The following FBH1 variants were observed in gnomAD, a reference collection of about 807,000 sequenced individuals.
The protein encoded by FBH1 is F-box DNA helicase 1.
Under a neutral mutation model 115.5 loss-of-function variants are expected in FBH1, and 43 were observed. That is an observed-to-expected ratio of 0.37 (90% confidence interval 0.29 to 0.48). The LOEUF is 0.48. FBH1 is among the 20% of genes least tolerant of loss of function. The probability of loss-of-function intolerance (pLI) is 0.99; values close to 1 mark genes in which losing one functional copy is unlikely to be tolerated. For synonymous variants in FBH1, 524 were observed against 507.8 expected (o/e 1.03, Z -0.43); for missense variants, 1,001 against 1,337.3 (o/e 0.75, Z 3.92).
At chr10:5,893,304 T>C (rs631538) in intron 1 of FBH1, among the ~76,000 whole-genome samples, 126,901 of 152,182 alleles carry the variant, frequency 0.83, 53,205 homozygotes, top group Non-Finnish European at 0.87. Context: ...AGTGAGACTC[T>C]GTCTGAAAAC....
upstream of FBH1, chr10:5,890,136 C>T (rs1047614422): frequency 1.4e-4 from 47 of 325,944 alleles, no homozygotes; most frequent in East Asian, 9.3e-4. Flanking sequence ...GGTCTCGCGT[C>T]CCGATTGGTC....
intron 1 of FBH1, among the ~76,000 whole-genome samples, chr10:5,892,074 T>G (rs1335551053): frequency 2.3e-5 from 1 of 43,636 alleles, no homozygotes; most frequent in Non-Finnish European, 6.3e-5. Context: ...TGTGATTTTC[T>G]GGGCAAAAGC....
rs545202519 is a variant in FBH1, at chr10:5,907,665, G to A, written c.753+1033G>A. 4.9e-4 allele frequency among the ~76,000 whole-genome samples: 74 copies of A among 151,892 alleles called. 1 individual carries two copies. The highest frequency in any genetic ancestry group is 2.5e-4 in the Non-Finnish European group (17 of 67,956). ...ATTTTTGTATTTTTAGGAGAGATAG[G>A]GTTTCACCATGTAATCCAGGATGGT... On this transcript the variant is annotated intron_variant, in intron 3 of 20. Transcript: ENST00000362091.
intron 1 of FBH1, among the ~76,000 whole-genome samples, chr10:5,896,412 G>T: frequency 6.6e-6 from 1 of 152,122 alleles, no homozygotes; most frequent in Non-Finnish European, 1.5e-5. Flanking sequence ...GTGGGTCCTG[G>T]AATGGGGACC....
intron 2 of FBH1, chr10:5,905,242 C>T (rs942514920): frequency 2.6e-5 from 4 of 152,224 alleles, no homozygotes; most frequent in Admixed American, 1.3e-4. Context: ...AAAAGCTGGG[C>T]GCAGGGGCTC....
rs1831377972 is a variant in FBH1, at chr10:5,908,834, C to T, written c.754-91C>T. The T allele has an allele frequency of 1.5e-5, 21 of 1,432,228 alleles. No individual in the cohort carries two copies. In the South Asian group the frequency reaches 2.5e-4, roughly 17 times the overall value. The allele number at this position is 1,432,228 out of a possible 1,614,324, so 88.7% of individuals were successfully genotyped here. ...CCATGTTGGCCATGCTAGTCTCAAACTCCTGACCTCAGGCGATCTGCCCGC... is the reference window on the plus strand; with the variant it reads ...CCATGTTGGCCATGCTAGTCTCAAATTCCTGACCTCAGGCGATCTGCCCGC... On this transcript the variant is annotated intron_variant, in intron 3 of 20. Transcript: ENST00000362091.
chr10:5,937,346 C>A lies in FBH1; in HGVS notation c.*66C>A. 2 of 1,413,252 alleles carry A rather than the reference C, an allele frequency of 1.4e-6. No homozygotes were observed. The highest frequency in any genetic ancestry group is 5.5e-5 in the East Asian group (2 of 36,180). 87.5% of individuals were successfully genotyped at this position (1,413,252 alleles called of 1,614,324 possible). On this transcript the variant is annotated 3_prime_UTR_variant, in exon 21 of 21. Transcript: ENST00000362091. Reference sequence around the variant, plus strand: ...GAGGACCCCGCGTGAAGAAAGCCAGCGAGGGGGGCTTCTGCTCCCTGAGAC... The same window carrying A: ...GAGGACCCCGCGTGAAGAAAGCCAGAGAGGGGGGCTTCTGCTCCCTGAGAC...
intron 19 of FBH1, chr10:5,934,147 G>A (rs1274913537): frequency 1.3e-5 from 2 of 152,178 alleles, no homozygotes; most frequent in African/African-American, 4.8e-5. Context: ...GATAAAAAGC[G>A]AGCCATTGCT....
intron 1 of FBH1, chr10:5,891,163 C>T (rs1286323570): frequency 1.3e-5 from 13 of 985,742 alleles, no homozygotes; most frequent in Non-Finnish European, 1.6e-5. Flanking sequence ...TGTTGAGTGT[C>T]CGCCAGCGTC....
At chr10:5,892,951 A>G (rs894390331) in intron 1 of FBH1, among the ~76,000 whole-genome samples, 6 of 152,152 alleles carry the variant, frequency 3.9e-5, no homozygotes, top group Admixed American at 2.0e-4. Flanking sequence ...TCCACCTTCT[A>G]TCCTCTCTCC....
chr10:5,906,508 G>C lies in FBH1; in HGVS notation c.629G>C (p.Ser210Thr). ...LGTLPCQEAL[S>T]HICSLPSEVL... ...ACCTTGCCCTGCCAGGAAGCACTGA[G>C]CCACATTTGCAGCCTGCCTAGTGAG... Residue 210 changes from serine to threonine, a missense_variant, in exon 3 of 21, where the codon AGC becomes ACC. Around this residue, in one of 4 missense-constraint regions of FBH1, gnomAD observed 420 missense variants for 430.4 expected, o/e 0.98. Coordinates refer to ENST00000362091, the MANE Select transcript of FBH1 (RefSeq NM_178150.3). The surrounding 1 kb of genome is among the most constrained non-coding windows in gnomAD (Gnocchi z 7.3). The C allele has an allele frequency of 1.2e-6, 2 of 1,614,130 alleles. No homozygotes were observed. The highest frequency in any genetic ancestry group is 1.7e-6 in the Non-Finnish European group (2 of 1,180,036).
At chr10:5,919,346 T>C (rs1319942249) in intron 13 of FBH1, among the ~76,000 whole-genome samples, 1 of 151,936 alleles carries the variant, frequency 6.6e-6, no homozygotes, top group Non-Finnish European at 1.5e-5. Flanking sequence ...ATTAGCCAGG[T>C]GTGGTGGCTC....
Position 5,910,854 on chromosome 10 carries a change from G to C in FBH1, c.1021-84G>C. ...TAGCCAGCAGCTGGACCCGTGGCTC[G>C]GCTTTCCTGACTCCTTCCTGCTGTG... On this transcript the variant is annotated intron_variant, in intron 5 of 20. Transcript: ENST00000362091. The surrounding 1 kb of genome is among the most constrained non-coding windows in gnomAD (Gnocchi z 4.8). 1 of 1,254,896 alleles carries C rather than the reference G, an allele frequency of 8.0e-7. No homozygotes were observed. The highest frequency in any genetic ancestry group is 1.1e-6 in the Non-Finnish European group (1 of 913,322). 77.7% of individuals were successfully genotyped at this position (1,254,896 alleles called of 1,614,324 possible). A position where few individuals can be genotyped will look rare whatever the true frequency, so the allele number is the denominator to read the frequency against.
chr10:5,901,426 G>A (rs1221975376), intron 1 of FBH1, among the ~76,000 whole-genome samples: 2 of 152,102 alleles, frequency 1.3e-5, no homozygotes, highest in Non-Finnish European at 2.9e-5. Flanking sequence ...CCAAAGTGCT[G>A]GGATTACAGG....
chr10:5,901,690 G>C (rs1487325667), intron 1 of FBH1, among the ~76,000 whole-genome samples: 4 of 150,520 alleles, frequency 2.7e-5, no homozygotes, highest in African/African-American at 4.9e-5. Context: ...TCAGCCTCCT[G>C]AGTAGCTGGG....
rs1832123914 is a variant in FBH1 at position 5,918,600 on chromosome 10, G to A, written c.2100+122G>A. On this transcript the variant is annotated intron_variant, in intron 13 of 20. Transcript: ENST00000362091. This position sits in a 1 kb window ranked among gnomAD's most constrained non-coding sequence, Gnocchi z 4.0. The stretch of plus-strand genomic sequence containing the variant: ...AGCAAATCCTTGCTTCTAAGCCATG[G>A]TTCTCAAAGTGTGGTTCTCAGGGGT... 2 of 1,278,002 alleles carry A rather than the reference G, an allele frequency of 1.6e-6. No individual in the cohort carries two copies. The highest frequency in any genetic ancestry group is 2.1e-6 in the Non-Finnish European group (2 of 967,516). The allele number at this position is 1,278,002 out of a possible 1,614,324, so 79.2% of individuals were successfully genotyped here.
chr10:5,906,170 A>G lies in FBH1; in HGVS notation c.291A>G (p.Ala97=). The change falls in exon 3 of 21, where the codon GCA becomes GCG. Residue 97 remains alanine (A), a synonymous_variant. Coordinates refer to ENST00000362091, the MANE Select transcript of FBH1 (RefSeq NM_178150.3). This position sits in a 1 kb window ranked among gnomAD's most constrained non-coding sequence, Gnocchi z 7.3. ...QDSEGDMIFP[A]ESSCALPQEG... is the part of the protein sequence containing the mutation. ...CTGAGGGTGACATGATCTTTCCTGC[A>G]GAGAGCAGCTGTGCACTGCCTCAGG... 6.2e-7 allele frequency: 1 copy of G among 1,614,208 alleles called. No individual in the cohort carries two copies. The highest frequency in any genetic ancestry group is 8.5e-7 in the Non-Finnish European group (1 of 1,180,026).
chr10:5,924,140 C>T lies in FBH1; in HGVS notation c.2399-171C>T. 1.6e-6 allele frequency: 1 copy of T among 641,830 alleles called. No homozygotes were observed. The highest frequency in any genetic ancestry group is 1.9e-5 in the South Asian group (1 of 53,282). The allele number at this position is 641,830 out of a possible 1,614,324, so 39.8% of individuals were successfully genotyped here. Reference sequence around the variant, plus strand: ...GAGACGGAGAGGCTACTGCACTGCACTGACTTGCCCAGGGACACACAGCGA... The same window carrying T: ...GAGACGGAGAGGCTACTGCACTGCATTGACTTGCCCAGGGACACACAGCGA... On this transcript the variant is annotated intron_variant, in intron 16 of 20. Coordinates refer to ENST00000362091, the MANE Select transcript of FBH1 (RefSeq NM_178150.3). This position sits in a 1 kb window ranked among gnomAD's most constrained non-coding sequence, Gnocchi z 6.2.
At position 5,897,529 on chromosome 10, in the gene FBH1, A is replaced by G. The variant is rs1843081406; in HGVS notation, c.2-5491A>G. The stretch of plus-strand genomic sequence containing the variant: ...AAGTTATTTTTGATACATATATCCA[A>G]TAAGTCCAAGGGGTGGGGAATCCAA... On this transcript the variant is annotated intron_variant, in intron 1 of 20. Transcript: ENST00000362091. This position sits in a 1 kb window ranked among gnomAD's most constrained non-coding sequence, Gnocchi z 4.7. Among the ~76,000 whole-genome samples, 1 of 152,162 alleles carries G rather than the reference A, an allele frequency of 6.6e-6. No individual in the cohort carries two copies. Among genetic ancestry groups the G allele is most frequent in the Non-Finnish European group, 1.5e-5 (1 of 68,012 alleles).
Sources: allele counts gnomAD v4.1 joint callset (sites outside exome capture counted in the v4.1 genomes callset), GRCh38; gene constraint gnomAD v4.1.1; regional missense constraint gnomAD v4.1.1; non-coding constraint Gnocchi (gnomAD v3.1); transcripts MANE v1.5; gene names NCBI Gene and HGNC (gene_info 2026-07-23, HGNC 2026-07-21).